The following C8orf34 variants were observed in gnomAD, a reference collection of about 807,000 sequenced individuals.
C8orf34 encodes the protein chromosome 8 open reading frame 34.
Under a neutral mutation model 68.3 loss-of-function variants are expected in C8orf34, and 65 were observed. The observed-to-expected ratio is 0.95, with a 90% CI of 0.78 to 1.17. The LOEUF (loss-of-function observed/expected upper bound fraction) is 1.17. Among genes scored for constraint, C8orf34 ranks in the 50% most tolerant of loss-of-function variants. C8orf34 has a pLI of 0.00. For synonymous variants in C8orf34, 244 were observed against 241.2 expected, an observed-to-expected ratio of 1.01 and a Z score of -0.11; for missense variants, 664 against 655.4, an observed-to-expected ratio of 1.01 and a Z score of -0.14.
intron 1 of C8orf34, among the ~76,000 whole-genome samples, chr8:68,420,059 A>G (rs1474314159): frequency 6.6e-6 from 1 of 151,892 alleles, no homozygotes; most frequent in Non-Finnish European, 1.5e-5. Context: ...AGGTTAGTGA[A>G]GGATGACTGG....
At chr8:68,803,800 G>T (rs559722797) in intron 12 of C8orf34, among the ~76,000 whole-genome samples, 3 of 152,166 alleles carry the variant, frequency 2.0e-5, no homozygotes, top group African/African-American at 7.2e-5. Flanking sequence ...TAACTTAGAT[G>T]GTGATCAGTG....
At chr8:68,732,907 A>T (rs1015993818) in intron 10 of C8orf34, among the ~76,000 whole-genome samples, 1 of 152,142 alleles carries the variant, frequency 6.6e-6, no homozygotes, top group Non-Finnish European at 1.5e-5. Flanking sequence ...TACTAAAAAT[A>T]CAAAAAATTA....
At chr8:68,740,404 GA>G (rs908640441) in intron 10 of C8orf34, among the ~76,000 whole-genome samples, 12 of 151,284 alleles carry the variant, frequency 7.9e-5, no homozygotes, top group Admixed American at 4.6e-4. Flanking sequence ...AAATTTACAA[GA>G]AAAAAAACCA....
At chr8:68,760,470 T>C (rs191194150) in intron 10 of C8orf34, among the ~76,000 whole-genome samples, 7 of 152,282 alleles carry the variant, frequency 4.6e-5, no homozygotes, top group Admixed American at 3.9e-4. Context: ...TGGAGCTTGA[T>C]TTCCAGGGAG....
intron 7 of C8orf34, among the ~76,000 whole-genome samples, chr8:68,555,521 A>G (rs1208163608): frequency 6.6e-6 from 1 of 152,096 alleles, no homozygotes; most frequent in African/African-American, 2.4e-5. Flanking sequence ...GAAAACTCTT[A>G]TACTATTAAT....
chr8:68,426,658 A>G (rs1345264756), intron 1 of C8orf34, among the ~76,000 whole-genome samples: 1 of 152,080 alleles, frequency 6.6e-6, no homozygotes, highest in Non-Finnish European at 1.5e-5. Context: ...ATTAAAAAAA[A>G]GAAAAGCAAT....
chr8:68,787,633 A>C (rs1823882216), intron 12 of C8orf34, 97 bp downstream of exon 12: 1 of 631,754 alleles, frequency 1.6e-6, no homozygotes, highest in African/African-American at 1.9e-5. Flanking sequence ...AACTTCTGTA[A>C]AAAAAAAAAA....
At chr8:68,353,076 G>A (rs1216196596) in intron 1 of C8orf34, among the ~76,000 whole-genome samples, 4 of 152,054 alleles carry the variant, frequency 2.6e-5, no homozygotes, top group African/African-American at 4.8e-5. Context: ...AAGTACAGAA[G>A]TTTAAAATAG....
Position 68,534,094 on chromosome 8 carries a change from C to T in C8orf34, c.1105+945C>T. ...ATTCCTTGGTTTTAAGTGTTTATGG[C>T]AGTAAAATACTATCATTATAAAAAA... is the stretch of plus-strand genomic sequence containing the variant. On this transcript the variant is annotated intron_variant, in intron 7 of 13. Transcript: ENST00000518698. 4 of 982,514 alleles carry T rather than the reference C, an allele frequency of 4.1e-6. No homozygotes were observed. In the African/African-American group the frequency reaches 5.2e-5, roughly 13 times the overall value. 60.9% of individuals were successfully genotyped at this position (982,514 alleles called of 1,614,324 possible).
chr8:68,729,861 T>A (rs752161964), intron 10 of C8orf34, among the ~76,000 whole-genome samples: 2 of 152,200 alleles, frequency 1.3e-5, no homozygotes, highest in Non-Finnish European at 2.9e-5. Context: ...TGTTTCATTA[T>A]ACTCACAACT....
chr8:68,787,588 C>A, intron 12 of C8orf34, 52 bp downstream of exon 12: 3 of 1,268,490 alleles, frequency 2.4e-6, no homozygotes, highest in Non-Finnish European at 3.3e-6. Context: ...GAAGGAAATC[C>A]ACAATAAAGC....
At chr8:68,697,183 C>G (rs1447973001) in intron 8 of C8orf34, among the ~76,000 whole-genome samples, 2 of 151,808 alleles carry the variant, frequency 1.3e-5, no homozygotes, top group Non-Finnish European at 2.9e-5. Context: ...ATTTTTGGTA[C>G]TTTAATATTT....
Position 68,617,443 on chromosome 8 carries a change from T to C in C8orf34, c.1106-22933T>C, listed in dbSNP as rs185168860. On this transcript the variant is annotated intron_variant, in intron 7 of 13. Transcript: ENST00000518698. ...GGTACTGGTTGTTCCTTTCCATATT[T>C]AGTGCTTCCTTCAGGAGCTCTTGTA... Among the ~76,000 whole-genome samples the C allele has an allele frequency of 7.4e-4, 112 of 152,346 alleles. 1 individual carries two copies. In the East Asian group the frequency reaches 0.021, roughly 29 times the overall value.
chr8:68,443,027 A>G (rs1043347717), intron 2 of C8orf34, among the ~76,000 whole-genome samples: 1 of 152,186 alleles, frequency 6.6e-6, no homozygotes, highest in Non-Finnish European at 1.5e-5. Flanking sequence ...GGCTTCTATC[A>G]TAGAAGCAAC....
chr8:68,629,475 A>T (rs1818627248), intron 7 of C8orf34, among the ~76,000 whole-genome samples: 1 of 152,200 alleles, frequency 6.6e-6, no homozygotes, highest in Non-Finnish European at 1.5e-5. Context: ...TCCCTTTTCC[A>T]GTTTTTAAAG....
chr8:68,747,047 G>T (rs1377521115), intron 10 of C8orf34, among the ~76,000 whole-genome samples: 4 of 150,036 alleles, frequency 2.7e-5, no homozygotes, highest in Non-Finnish European at 4.5e-5. Flanking sequence ...TGATCAAGTG[G>T]GCTTCATCCC....
rs999446308 is a variant in C8orf34 at position 68,554,904 on chromosome 8, C to T, written c.1105+21755C>T. Among the ~76,000 whole-genome samples the T allele has an allele frequency of 1.3e-5, 2 of 152,070 alleles. 1 individual carries two copies. On this transcript the variant is annotated intron_variant, in intron 7 of 13. Coordinates refer to ENST00000518698, the MANE Select transcript of C8orf34 (RefSeq NM_052958.4). ...TTTAGTTTTGTCCCTTGTTAAACAACCTTAGATTGCTCTTGTATTTTTCAA... is the reference window on the plus strand; with the variant it reads ...TTTAGTTTTGTCCCTTGTTAAACAATCTTAGATTGCTCTTGTATTTTTCAA...
At position 68,780,672 on chromosome 8, in the gene C8orf34, C is replaced by A. The variant is rs529278136; in HGVS notation, c.1455+4223C>A. On this transcript the variant is annotated intron_variant, in intron 11 of 13. Transcript: ENST00000518698. ...GCCCAGCTCATGCCTGTAATCCCAG[C>A]ACTTTGGGAGGCCGAGGTGGGCAGA... is the stretch of plus-strand genomic sequence containing the variant. Among the ~76,000 whole-genome samples the A allele has an allele frequency of 4.6e-5, 7 of 152,180 alleles. No homozygotes were observed. The South Asian group carries it at 1.2e-3, about 27-fold the overall frequency.
At chr8:68,764,313 G>A (rs1823108179) in intron 10 of C8orf34, among the ~76,000 whole-genome samples, 1 of 152,212 alleles carries the variant, frequency 6.6e-6, no homozygotes. Context: ...CTGATGGAAA[G>A]TCAAGATACA....
Sources: gnomAD v4.1 joint callset for allele counts (sites outside exome capture counted in the v4.1 genomes callset) on GRCh38, gnomAD v4.1.1 for gene constraint, MANE v1.5 for transcripts, NCBI Gene and HGNC (gene_info 2026-07-23, HGNC 2026-07-21) for gene names.